Variants in VAMP8 observed in about 807,000 individuals in gnomAD.
The protein encoded by VAMP8 is vesicle-associated membrane protein 8.
In VAMP8, 9 loss-of-function variants were observed where a neutral mutation model predicts 11.4. That is an observed-to-expected ratio of 0.79 (90% CI 0.48 to 1.38). The LOEUF is 1.38. VAMP8 is among the 40% of genes most tolerant of loss of function. VAMP8 has a pLI of 0.00. For synonymous variants in VAMP8, 42 were observed against 44.7 expected, an observed-to-expected ratio of 0.94 and a Z score of 0.24; for missense variants, 108 against 127.8, an observed-to-expected ratio of 0.85 and a Z score of 0.75.
At chr2:85,578,046 C>T (rs867262700) in intron 1 of VAMP8, among the ~76,000 whole-genome samples, 1 of 152,198 alleles carries the variant, frequency 6.6e-6, no homozygotes, top group Non-Finnish European at 1.5e-5. Flanking sequence ...CTCTCCTCTC[C>T]GGCCTTTCAC....
At chr2:85,579,847 G>C (rs532666024) in intron 2 of VAMP8, 1 of 1,550,628 alleles carries the variant, frequency 6.4e-7, no homozygotes, top group African/African-American at 1.4e-5. Flanking sequence ...CTGGCTTTCT[G>C]AGTCCTGTGT....
intron 1 of VAMP8, 44 bp downstream of exon 1, chr2:85,577,693 C>T (rs1285152370): frequency 1.3e-6 from 2 of 1,550,602 alleles, no homozygotes; most frequent in Non-Finnish European, 1.7e-6. Flanking sequence ...TAAAGAGGAG[C>T]CAGAGGGGGC....
At chr2:85,580,214 A>T (rs1672346731) in intron 2 of VAMP8, among the ~76,000 whole-genome samples, 4 of 152,076 alleles carry the variant, frequency 2.6e-5, no homozygotes, top group Admixed American at 2.6e-4. Context: ...GGCCTCTCAA[A>T]GTGCTGGGAT....
intron 1 of VAMP8, among the ~76,000 whole-genome samples, chr2:85,578,664 A>G (rs988127624): frequency 4.3e-4 from 65 of 152,072 alleles, no homozygotes; most frequent in African/African-American, 1.5e-3. Context: ...TCTGGAAGGG[A>G]ACATTGTGAG....
chr2:85,580,090 T>C (rs142272000), intron 2 of VAMP8, among the ~76,000 whole-genome samples: 2 of 152,212 alleles, frequency 1.3e-5, no homozygotes, highest in African/African-American at 4.8e-5. Flanking sequence ...TAGCTGGGAT[T>C]ACAGTGTGCA....
chr2:85,579,905 T>G (rs775643844), intron 2 of VAMP8: 139 of 1,541,256 alleles, frequency 9.0e-5, no homozygotes, highest in Non-Finnish European at 1.2e-4. Context: ...TGGGGCTCAT[T>G]GCCTGTTTCT....
intron 2 of VAMP8, 106 bp from the exon 3 acceptor site, chr2:85,581,470 T>C: frequency 7.5e-7 from 1 of 1,333,654 alleles, no homozygotes; most frequent in Non-Finnish European, 1.0e-6. Flanking sequence ...AGACTCCATC[T>C]CAAAAAAAAA....
At chr2:85,578,645 G>A (rs543476413) in intron 1 of VAMP8, among the ~76,000 whole-genome samples, 25 of 152,258 alleles carry the variant, frequency 1.6e-4, no homozygotes, top group African/African-American at 5.1e-4. Context: ...AAATAGTGGC[G>A]GGCTCTGCTC....
rs1268855006 is a variant in VAMP8 at position 85,577,698 on chromosome 2, G to C, written c.3+49G>C. On this transcript the variant is annotated intron_variant, in intron 1 of 2. Coordinates refer to ENST00000263864, the MANE Select transcript of VAMP8 (RefSeq NM_003761.5). ...AGGGCTGGTTTAAAGAGGAGCCAGAGGGGGCTTGGGACTGGGGGTTGGCTG... is the reference window on the plus strand; with the variant it reads ...AGGGCTGGTTTAAAGAGGAGCCAGACGGGGCTTGGGACTGGGGGTTGGCTG... 3 of 1,551,594 alleles carry C rather than the reference G, an allele frequency of 1.9e-6. No individual in the cohort carries two copies. The South Asian group carries it at 3.6e-5, about 18-fold the overall frequency.
In VAMP8 at chr2:85,577,617, C is replaced by G. The variant is rs1243088858; in HGVS notation, c.-30C>G. ...GGAGGAAGCCGACTAGGCGAATTCA[C>G]TTACTGACCGGCCTGGGCTGCTCTG... On this transcript the variant is annotated 5_prime_UTR_variant, in exon 1 of 3. Transcript: ENST00000263864. The G allele has an allele frequency of 6.4e-7, 1 of 1,551,982 alleles. No homozygotes were observed. Among genetic ancestry groups the G allele is most frequent in the Admixed American group, 2.0e-5 (1 of 51,020 alleles).
In VAMP8 at chr2:85,581,536, A is replaced by T. The variant is rs191043247; in HGVS notation, c.163-40A>T. The T allele has an allele frequency of 1.3e-4, 213 of 1,610,248 alleles. 3 individuals carry two copies. The East Asian group carries it at 4.4e-3, about 34-fold the overall frequency. ...ACTCTTATAATCTTGTTCCAGTGGG[A>T]GGAGCCACTGGGTCACTCACTCTGC... is the stretch of plus-strand genomic sequence containing the variant. On this transcript the variant is annotated intron_variant, in intron 2 of 2. Coordinates refer to ENST00000263864, the MANE Select transcript of VAMP8 (RefSeq NM_003761.5).
Position 85,581,341 on chromosome 2 carries a change from G to A in VAMP8, c.163-235G>A, listed in dbSNP as rs189023561. Among the ~76,000 whole-genome samples the A allele has an allele frequency of 1.6e-4, 24 of 152,160 alleles. No homozygotes were observed. The East Asian group carries it at 2.5e-3, about 16-fold the overall frequency. ...CTAAAAATACAAAAGTTAGCTGGGC[G>A]TGGTGGTGGGCACCTGTAATCCCAG... On this transcript the variant is annotated intron_variant, in intron 2 of 2. Transcript: ENST00000263864.
intron 1 of VAMP8, 112 bp downstream of exon 1, chr2:85,577,761 T>C: frequency 6.9e-7 from 1 of 1,446,450 alleles, no homozygotes; most frequent in Non-Finnish European, 9.5e-7. Flanking sequence ...GTTAGAGGGC[T>C]GGGCCAGTGC....
intron 1 of VAMP8, among the ~76,000 whole-genome samples, chr2:85,578,718 G>A (rs1327372598): frequency 6.6e-6 from 1 of 152,178 alleles, no homozygotes; most frequent in Non-Finnish European, 1.5e-5. Context: ...AGGGAGCAAG[G>A]AAGCAGTGGG....
At chr2:85,580,402 G>A (rs1391981642) in intron 2 of VAMP8, among the ~76,000 whole-genome samples, 1 of 152,132 alleles carries the variant, frequency 6.6e-6, no homozygotes, top group Non-Finnish European at 1.5e-5. Context: ...GAGTCCTGGA[G>A]CTGCGAGATG....
Position 85,579,115 on chromosome 2 carries a change from G to A in VAMP8, c.110G>A (p.Arg37Gln), listed in dbSNP as rs368631664. The A allele has an allele frequency of 7.5e-6, 12 of 1,606,846 alleles. No homozygotes were observed. The East Asian group carries it at 9.0e-5, about 12-fold the overall frequency. The change falls in exon 2 of 3, where the codon CGG becomes CAG. Residue 37 changes from arginine to glutamine, a missense_variant. Physicochemically the swap from Arg to Gln is conservative, Grantham distance 43 (BLOSUM62 1). Coordinates refer to ENST00000263864, the MANE Select transcript of VAMP8 (RefSeq NM_003761.5). ...CAGAATGTGGAGCGGATCCTGGCCCGGGGGGAAAACTTGGAACATCTCCGC... is the reference window on the plus strand; with the variant it reads ...CAGAATGTGGAGCGGATCCTGGCCCAGGGGGAAAACTTGGAACATCTCCGC... ...MTQNVERILA[R>Q]GENLEHLRNK...
At chr2:85,579,289 G>A (rs1672330745) in intron 2 of VAMP8, 122 bp downstream of exon 2, 1 of 1,153,374 alleles carries the variant, frequency 8.7e-7, no homozygotes, top group African/African-American at 1.6e-5. Flanking sequence ...CACCTGGTTT[G>A]GGAGCTGATG....
In VAMP8 at chr2:85,578,946, C is replaced by A. The variant is rs887446189; in HGVS notation, c.4-63C>A. 8.4e-6 allele frequency: 13 copies of A among 1,555,948 alleles called. No individual in the cohort carries two copies. In the Admixed American group the frequency reaches 2.5e-4, roughly 30 times the overall value. ...GCCTGAGGCCTTACCCTCCCCAGAT[C>A]TCTGAGCCCAAGTCTCCAGTTCCCC... On this transcript the variant is annotated intron_variant, in intron 1 of 2. Transcript: ENST00000263864.
In VAMP8 at chr2:85,581,876, G is replaced by T. The variant is rs1672385231; in HGVS notation, c.*160G>T. The T allele has an allele frequency of 3.1e-6, 3 of 956,882 alleles. No homozygotes were observed. The highest frequency in any genetic ancestry group is 4.7e-6 in the Non-Finnish European group (3 of 640,908). The allele number at this position is 956,882 out of a possible 1,614,324, so 59.3% of individuals were successfully genotyped here. On this transcript the variant is annotated 3_prime_UTR_variant, in exon 3 of 3. Coordinates refer to ENST00000263864, the MANE Select transcript of VAMP8 (RefSeq NM_003761.5). ...TGCTGCCATGTTGTATGCCCCAGAA[G>T]GTACCTTGGTCCCCCGGAAGGAGAG...
Sources: gnomAD v4.1 joint callset for allele counts (sites outside exome capture counted in the v4.1 genomes callset) on GRCh38, gnomAD v4.1.1 for gene constraint, MANE v1.5 for transcripts, NCBI Gene and HGNC (gene_info 2026-07-23, HGNC 2026-07-21) for gene names.